SYNE1: variants seen among roughly 807,000 people sequenced by gnomAD.
The protein encoded by SYNE1 is nesprin-1.
A neutral mutation model predicts 1,111.0 loss-of-function variants in SYNE1; 616 were observed. The ratio of observed to expected loss-of-function variants is 0.55; its 90% CI spans 0.52 to 0.59. The LOEUF (loss-of-function observed/expected upper bound fraction) is 0.59, where lower values mean the gene tolerates loss of function less well. Ranked by LOEUF, SYNE1 falls within the 20% of genes least tolerant of loss-of-function variation. The pLI is 0.00. For missense variants in SYNE1, 10,006 were observed against 10,417.0 expected (o/e 0.96, Z 1.72); for synonymous variants, 3,855 against 3,825.8 (o/e 1.01, Z -0.28).
At chr6:152,569,221 A>G (rs2099430875) in intron 3 of SYNE1, among the ~76,000 whole-genome samples, 1 of 152,178 alleles carries the variant, frequency 6.6e-6, no homozygotes, top group Non-Finnish European at 1.5e-5. Context: ...CTTATGCACA[A>G]TCAAATTTTG....
intron 3 of SYNE1, among the ~76,000 whole-genome samples, chr6:152,566,298 C>T (rs2099413229): frequency 6.6e-6 from 1 of 152,054 alleles, no homozygotes; most frequent in East Asian, 1.9e-4. Context: ...GTTCTCGCTT[C>T]TCAAGCTGAA....
chr6:152,141,613 G>T (rs1337925014), intron 138 of SYNE1, among the ~76,000 whole-genome samples: 1 of 152,014 alleles, frequency 6.6e-6, no homozygotes, highest in Non-Finnish European at 1.5e-5. Flanking sequence ...AAGAAATTTA[G>T]CTGGGCATGG....
chr6:152,225,910 T>C (rs2081471628), intron 115 of SYNE1, 34 bp from the exon 116 acceptor site: 15 of 1,603,792 alleles, frequency 9.4e-6, no homozygotes, highest in Non-Finnish European at 1.3e-5. Flanking sequence ...CTTTAAATTG[T>C]TCTATTATGG....
chr6:152,145,605 A>G (rs1029330456), intron 137 of SYNE1: 2 of 1,520,362 alleles, frequency 1.3e-6, no homozygotes. Flanking sequence ...GGAAACCCTG[A>G]ATCCCTTGTG....
intron 127 of SYNE1, among the ~76,000 whole-genome samples, chr6:152,196,517 G>T (rs1462155257): frequency 6.6e-6 from 1 of 151,968 alleles, no homozygotes; most frequent in African/African-American, 2.4e-5. Context: ...CCAGGACTAG[G>T]TCCTTCCCTT....
intron 109 of SYNE1, 50 bp from the exon 110 acceptor site, chr6:152,236,353 C>CT: frequency 7.3e-7 from 1 of 1,376,592 alleles, no homozygotes; most frequent in Non-Finnish European, 1.0e-6. Flanking sequence ...CAATTTTTGT[C>CT]TTTAAGAATT....
intron 4 of SYNE1, among the ~76,000 whole-genome samples, chr6:152,530,676 C>T (rs1040223125): frequency 3.4e-5 from 5 of 148,950 alleles, no homozygotes; most frequent in Non-Finnish European, 7.4e-5. Flanking sequence ...GTCTGTAGTG[C>T]GGTGGCACAA....
chr6:152,453,927 T>C (rs2098673315), intron 24 of SYNE1, among the ~76,000 whole-genome samples: 1 of 152,252 alleles, frequency 6.6e-6, no homozygotes, highest in South Asian at 2.1e-4. Context: ...ATTCTACTAG[T>C]ATTTTTTATT....
chr6:152,431,485 T>C (rs1172364203), intron 34 of SYNE1, among the ~76,000 whole-genome samples: 2 of 152,198 alleles, frequency 1.3e-5, no homozygotes, highest in Non-Finnish European at 2.9e-5. Context: ...TACTGATAAC[T>C]ATTAAGGAAG....
In SYNE1 at chr6:152,391,536, T is replaced by G; in HGVS notation, c.7745A>C (p.Gln2582Pro). ...ACCGTGGCCTTCTTCACTCAGAAGC[T>G]GCCCTCTCTGGGAAAGCTTATCAAG... ...ESLDKLSQRG[Q>P]LLSEEGHGAG... The change falls in exon 52 of 146, where the codon CAG becomes CCG. Residue 2582 changes from glutamine to proline, a missense_variant. Around this residue, in one of 7 missense-constraint regions of SYNE1, gnomAD observed 4,955 missense variants for 5,017.2 expected, o/e 0.99. Coordinates refer to ENST00000367255, the MANE Select transcript of SYNE1 (RefSeq NM_182961.4). 1 of 1,603,066 alleles carries G rather than the reference T, an allele frequency of 6.2e-7. No homozygotes were observed. Among genetic ancestry groups the G allele is most frequent in the Non-Finnish European group, 8.5e-7 (1 of 1,177,660 alleles).
chr6:152,488,074 CA>C lies in SYNE1; in HGVS notation c.1047+321del, dbSNP rs35496801. Among the ~76,000 whole-genome samples, 499 of 132,890 alleles carry C rather than the reference CA, an allele frequency of 3.8e-3. 3 individuals carry two copies. The highest frequency in any genetic ancestry group is 0.013 in the South Asian group (53 of 4,152). 87.2% of individuals were successfully genotyped at this position (132,890 alleles called of 152,430 possible). On this transcript the variant is annotated intron_variant, in intron 12 of 145. Transcript: ENST00000367255. ...TGGGAGAGAGAGTGAGACTCCGTCT[CA>C]AAAAAAAAAAAAAATCATGAGTTCT...
At chr6:152,462,003 A>G (rs567231140) in intron 20 of SYNE1, among the ~76,000 whole-genome samples, 1 of 152,182 alleles carries the variant, frequency 6.6e-6, no homozygotes, top group Admixed American at 6.5e-5. Context: ...AACAAATCCC[A>G]TGTTAATGTA....
intron 11 of SYNE1, among the ~76,000 whole-genome samples, chr6:152,496,851 C>T (rs2099002095): frequency 2.0e-5 from 3 of 152,160 alleles, no homozygotes; most frequent in East Asian, 1.9e-4. Flanking sequence ...CTGCCTTAAC[C>T]GATGACATTC....
At chr6:152,437,433 CT>C (rs1227568343) in intron 32 of SYNE1, among the ~76,000 whole-genome samples, 1 of 152,092 alleles carries the variant, frequency 6.6e-6, no homozygotes, top group Non-Finnish European at 1.5e-5. Context: ...AGCAATCTTA[CT>C]TTTAAAGTGC....
intron 4 of SYNE1, among the ~76,000 whole-genome samples, chr6:152,536,435 CTATATATAGTAATATATATT>C (rs2099242151): frequency 8.0e-6 from 1 of 125,288 alleles, no homozygotes; most frequent in Non-Finnish European, 1.7e-5. Context: ...ATATATATAA[CTATATATAGTAATATATATT>C]TATATATATA....
intron 105 of SYNE1, 113 bp from the exon 106 acceptor site, chr6:152,244,769 T>C: frequency 1.5e-6 from 2 of 1,355,724 alleles, no homozygotes; most frequent in Admixed American, 3.4e-5. Context: ...ACATTCTCAA[T>C]ATATACAAAA....
Position 152,371,926 on chromosome 6 carries a change from AGGACAGGAC to A in SYNE1, c.9507+1102_9507+1110del, listed in dbSNP as rs1563463484. Among the ~76,000 whole-genome samples the A allele has an allele frequency of 6.6e-3, 423 of 64,200 alleles. 37 individuals are homozygous for A. The highest frequency in any genetic ancestry group is 0.018 in the African/African-American group (374 of 21,100). 42.1% of individuals were successfully genotyped at this position (64,200 alleles called of 152,430 possible). On this transcript the variant is annotated intron_variant, in intron 59 of 145. Transcript: ENST00000367255. Reference sequence around the variant, plus strand: ...AGGAAAGGAAAGGAAAGGAAAGGACAGGACAGGACAGGAAAGGAAAGGAAAGGAAAGGAA... The same window carrying A: ...AGGAAAGGAAAGGAAAGGAAAGGACAAGGAAAGGAAAGGAAAGGAAAGGAA...
At chr6:152,628,991 C>T (rs2128988953) in intron 2 of SYNE1, among the ~76,000 whole-genome samples, 1 of 152,214 alleles carries the variant, frequency 6.6e-6, no homozygotes, top group Admixed American at 6.5e-5. Context: ...GGGACCAAAT[C>T]CTTGTTTCTC....
At position 152,148,065 on chromosome 6, in the gene SYNE1, C is replaced by G; in HGVS notation, c.24956G>C (p.Arg8319Pro). 6.2e-7 allele frequency: 1 copy of G among 1,614,068 alleles called. No individual in the cohort carries two copies. Among genetic ancestry groups the G allele is most frequent in the South Asian group, 1.1e-5 (1 of 91,076 alleles). ...EGQDDKDFYL[R>P]GAVGLSGDHS... ...CCTACCTGATAAGCCAACAGCTCCC[C>G]GGAGGTAGAAATCTTTGTCATCCTG... The change falls in exon 137 of 146, where the codon CGG becomes CCG. Residue 8319 changes from arginine to proline, a missense_variant. By Grantham distance (103) the Arg-to-Pro change is moderately radical (BLOSUM62 -2). Transcript: ENST00000367255. The surrounding 1 kb of genome is among the most constrained non-coding windows in gnomAD (Gnocchi z 4.1).
Sources: gnomAD v4.1 joint callset for allele counts (sites outside exome capture counted in the v4.1 genomes callset) on GRCh38, gnomAD v4.1.1 for gene constraint, gnomAD v4.1.1 regional missense constraint, Gnocchi (gnomAD v3.1) non-coding constraint, MANE v1.5 for transcripts, NCBI Gene and HGNC (gene_info 2026-07-23, HGNC 2026-07-21) for gene names.